The following TAFA5 variants were observed in gnomAD, a reference collection of about 807,000 sequenced individuals.
The protein encoded by TAFA5 is chemokine-like protein TAFA-5.
Under a neutral mutation model 15.3 loss-of-function variants are expected in TAFA5, and 6 were observed. The observed-to-expected ratio is 0.39, with a 90% CI of 0.21 to 0.77. The LOEUF (loss-of-function observed/expected upper bound fraction) is 0.77. TAFA5 is among the 30% of genes least tolerant of loss of function. The pLI is 0.41. For missense variants in TAFA5, 161 were observed against 193.1 expected (o/e 0.83, Z 0.98); for synonymous variants, 103 against 80.7 (o/e 1.28, Z -1.48).
At chr22:48,532,813 G>A (rs1428498543) in intron 1 of TAFA5, among the ~76,000 whole-genome samples, 5 of 152,318 alleles carry the variant, frequency 3.3e-5, no homozygotes, top group East Asian at 1.9e-4. Flanking sequence ...GGCTCCCATC[G>A]GGAAGACGGG....
At chr22:48,495,863 G>C (rs564129799) in intron 1 of TAFA5, among the ~76,000 whole-genome samples, 1 of 152,256 alleles carries the variant, frequency 6.6e-6, no homozygotes, top group South Asian at 2.1e-4. Flanking sequence ...TGAGCCCTCC[G>C]GCCCAGGTGG....
Position 48,605,079 on chromosome 22 carries a change from G to A in TAFA5, c.113-41518G>A, listed in dbSNP as rs373930938. The stretch of plus-strand genomic sequence containing the variant: ...AGAGGAGATTATGGTGTTGCTGCTA[G>A]TGATGGTGATGATGCTGCTGATGAT... On this transcript the variant is annotated intron_variant, in intron 1 of 3. Transcript: ENST00000402357. 1.5e-4 allele frequency among the ~76,000 whole-genome samples: 23 copies of A among 150,606 alleles called. No homozygotes were observed. In the East Asian group the frequency reaches 3.4e-3, roughly 22 times the overall value.
chr22:48,677,741 C>T (rs1928020972), intron 2 of TAFA5, among the ~76,000 whole-genome samples: 1 of 152,150 alleles, frequency 6.6e-6, no homozygotes, highest in South Asian at 2.1e-4. Context: ...AAGTGAGTCT[C>T]CCTCACAAGG....
At chr22:48,564,997 C>G (rs988824157) in intron 1 of TAFA5, among the ~76,000 whole-genome samples, 3 of 152,248 alleles carry the variant, frequency 2.0e-5, no homozygotes, top group Non-Finnish European at 4.4e-5. Flanking sequence ...TTAAAATGCA[C>G]GGCCCCACAC....
In TAFA5 at chr22:48,559,716, G is replaced by A. The variant is rs138199437; in HGVS notation, c.112+70012G>A. On this transcript the variant is annotated intron_variant, in intron 1 of 3. Coordinates refer to ENST00000402357, the MANE Select transcript of TAFA5 (RefSeq NM_001082967.3). ...AGGAGGAAGGAAGCCAGGAAGGGGC[G>A]TGTGGGATGAGGGCACAGCCCGAGC... 6.9e-4 allele frequency among the ~76,000 whole-genome samples: 105 copies of A among 152,284 alleles called. No homozygotes were observed. In the East Asian group the frequency reaches 0.015, roughly 21 times the overall value.
chr22:48,522,691 T>C (rs1004543877), intron 1 of TAFA5, among the ~76,000 whole-genome samples: 1 of 152,188 alleles, frequency 6.6e-6, no homozygotes, highest in African/African-American at 2.4e-5. Flanking sequence ...AGAGACTGCC[T>C]GGACATCATC....
chr22:48,616,004 A>G (rs1165547205), intron 1 of TAFA5, among the ~76,000 whole-genome samples: 1 of 152,182 alleles, frequency 6.6e-6, no homozygotes, highest in Non-Finnish European at 1.5e-5. Context: ...GGCTTCTAGA[A>G]TACAGCCAGG....
Position 48,650,417 on chromosome 22 carries a change from T to C in TAFA5, c.262+3671T>C, listed in dbSNP as rs1927011035. Among the ~76,000 whole-genome samples the C allele has an allele frequency of 2.0e-5, 3 of 152,182 alleles. No individual in the cohort carries two copies. The South Asian group carries it at 6.2e-4, about 32-fold the overall frequency. On this transcript the variant is annotated intron_variant, in intron 2 of 3. Coordinates refer to ENST00000402357, the MANE Select transcript of TAFA5 (RefSeq NM_001082967.3). Reference sequence around the variant, plus strand: ...TCAAAACACCCAATACAGAGAGCCATGCAGTGCTGCAGGTGCGGGAATTCA... The same window carrying C: ...TCAAAACACCCAATACAGAGAGCCACGCAGTGCTGCAGGTGCGGGAATTCA...
intron 1 of TAFA5, among the ~76,000 whole-genome samples, chr22:48,507,218 TGGA>T (rs1230535807): frequency 2.4e-4 from 27 of 114,508 alleles, no homozygotes; most frequent in Non-Finnish European, 3.9e-4. Context: ...GGTGTGCAGT[TGGA>T]GGAGAAGGAG....
At chr22:48,730,056 A>G (rs1369167053) in intron 3 of TAFA5, among the ~76,000 whole-genome samples, 1 of 152,150 alleles carries the variant, frequency 6.6e-6, no homozygotes, top group African/African-American at 2.4e-5. Context: ...ACACCTACAT[A>G]AAATAACAGC....
In TAFA5 at chr22:48,576,240, C is replaced by T. The variant is rs1280356372; in HGVS notation, c.113-70357C>T. ...CGGCCCGAGACTTTCTGCTAACCTC[C>T]CCGCCCCCGCCCGCCCCCTCCGCGG... On this transcript the variant is annotated intron_variant, in intron 1 of 3. Transcript: ENST00000402357. 2.8e-5 allele frequency: 12 copies of T among 430,682 alleles called. No homozygotes were observed. In the Admixed American group the frequency reaches 6.0e-4, roughly 22 times the overall value. The allele number at this position is 430,682 out of a possible 1,614,324, so 26.7% of individuals were successfully genotyped here.
intron 3 of TAFA5, among the ~76,000 whole-genome samples, chr22:48,740,950 C>T (rs1282694318): frequency 6.6e-6 from 1 of 152,136 alleles, no homozygotes; most frequent in Admixed American, 6.5e-5. Flanking sequence ...CCATCTGCCT[C>T]CTCGCAGGGC....
chr22:48,735,787 C>T (rs1021341463), intron 3 of TAFA5, among the ~76,000 whole-genome samples: 6 of 134,114 alleles, frequency 4.5e-5, no homozygotes, highest in South Asian at 2.3e-4. Flanking sequence ...GTCCATCCCC[C>T]GCAGGAGGAA....
At chr22:48,746,318 T>G (rs921400807) in intron 3 of TAFA5, among the ~76,000 whole-genome samples, 2 of 151,934 alleles carry the variant, frequency 1.3e-5, no homozygotes, top group Non-Finnish European at 2.9e-5. Context: ...CCCGTCACTC[T>G]CATTTTCAAC....
intron 1 of TAFA5, among the ~76,000 whole-genome samples, chr22:48,511,793 C>T (rs556626904): frequency 1.7e-3 from 253 of 152,360 alleles, no homozygotes; most frequent in Middle Eastern, 6.8e-3. Flanking sequence ...ACAGTTTCTT[C>T]CCGCACTGGG....
chr22:48,604,662 C>T (rs1241978433), intron 1 of TAFA5, among the ~76,000 whole-genome samples: 1 of 152,212 alleles, frequency 6.6e-6, no homozygotes, highest in African/African-American at 2.4e-5. Context: ...GGTGTGCAAG[C>T]CCCCAGCTAG....
At chr22:48,728,349 C>T (rs1368220842) in intron 3 of TAFA5, among the ~76,000 whole-genome samples, 1 of 152,224 alleles carries the variant, frequency 6.6e-6, no homozygotes, top group Non-Finnish European at 1.5e-5. Flanking sequence ...GCCACACTCA[C>T]AGAAGGTCAC....
chr22:48,745,333 C>G (rs1930296895), intron 3 of TAFA5, among the ~76,000 whole-genome samples: 4 of 150,152 alleles, frequency 2.7e-5, no homozygotes, highest in Admixed American at 2.6e-4. Flanking sequence ...CAGGGTTCAC[C>G]CTGAGCATGG....
At chr22:48,667,538 C>A (rs1432301458) in intron 2 of TAFA5, among the ~76,000 whole-genome samples, 3 of 152,224 alleles carry the variant, frequency 2.0e-5, no homozygotes, top group African/African-American at 7.2e-5. Flanking sequence ...TTCCGTGCCA[C>A]ACTCCCCTGT....
Sources: gnomAD v4.1 joint callset for allele counts (sites outside exome capture counted in the v4.1 genomes callset) on GRCh38, gnomAD v4.1.1 for gene constraint, MANE v1.5 for transcripts, NCBI Gene and HGNC (gene_info 2026-07-23, HGNC 2026-07-21) for gene names.